The following DEPTOR variants were observed in gnomAD, a reference collection of about 807,000 sequenced individuals.
The protein encoded by DEPTOR is DEP domain-containing mTOR-interacting protein.
A neutral mutation model predicts 41.6 loss-of-function variants in DEPTOR; 41 were observed. That is an observed-to-expected ratio of 0.98 (90% CI 0.77 to 1.28). The LOEUF (loss-of-function observed/expected upper bound fraction) is 1.28, where lower values mean the gene tolerates loss of function less well. Among genes scored for constraint, DEPTOR ranks in the 50% most tolerant of loss-of-function variants. The pLI, the probability that DEPTOR is intolerant of heterozygous loss-of-function variation, is 0.00. For missense variants in DEPTOR, 514 were observed against 527.9 expected, an observed-to-expected ratio of 0.97 and a Z score of 0.26; for synonymous variants, 195 against 192.3, an observed-to-expected ratio of 1.01 and a Z score of -0.12.
intron 4 of DEPTOR, among the ~76,000 whole-genome samples, chr8:119,974,248 A>C (rs1828669560): frequency 6.7e-6 from 1 of 149,386 alleles, no homozygotes; most frequent in Non-Finnish European, 1.5e-5. Context: ...AAAAAAAAAA[A>C]AAAAAAAAAA....
chr8:119,924,359 C>T (rs1265638674), intron 1 of DEPTOR, among the ~76,000 whole-genome samples: 1 of 139,918 alleles, frequency 7.1e-6, no homozygotes. Context: ...TCCCCAACAG[C>T]CATTTCAACT....
At chr8:120,006,157 A>G (rs1812433842) in intron 6 of DEPTOR, among the ~76,000 whole-genome samples, 1 of 152,164 alleles carries the variant, frequency 6.6e-6, no homozygotes. Flanking sequence ...TCTCTAGCAT[A>G]TGTTGAGTAC....
At chr8:119,928,042 C>T (rs528684116) in intron 1 of DEPTOR, among the ~76,000 whole-genome samples, 1 of 152,254 alleles carries the variant, frequency 6.6e-6, no homozygotes, top group African/African-American at 2.4e-5. Flanking sequence ...TGTTTCAGTG[C>T]ATTTCTAGGG....
intron 4 of DEPTOR, among the ~76,000 whole-genome samples, chr8:119,996,058 A>G (rs1259433823): frequency 6.6e-6 from 1 of 152,262 alleles, no homozygotes; most frequent in Non-Finnish European, 1.5e-5. Context: ...AATGCAAGTG[A>G]TACATACAAT....
chr8:119,887,329 C>T (rs1164136221), intron 1 of DEPTOR, among the ~76,000 whole-genome samples: 1 of 129,084 alleles, frequency 7.7e-6, no homozygotes, highest in East Asian at 2.6e-4. Flanking sequence ...CATGCAACAC[C>T]ATAGGCTCTT....
chr8:119,876,153 C>T (rs924353488), intron 1 of DEPTOR, among the ~76,000 whole-genome samples: 6 of 152,304 alleles, frequency 3.9e-5, no homozygotes, highest in Non-Finnish European at 8.8e-5. Flanking sequence ...CTCTTCCTTG[C>T]AGTCCCCAGA....
intron 4 of DEPTOR, among the ~76,000 whole-genome samples, chr8:119,979,915 G>A (rs1309964495): frequency 6.6e-6 from 1 of 152,100 alleles, no homozygotes; most frequent in Non-Finnish European, 1.5e-5. Flanking sequence ...GAAATGGGAT[G>A]GGGGAGATAG....
intron 1 of DEPTOR, among the ~76,000 whole-genome samples, chr8:119,925,602 G>A (rs139596548): frequency 2.6e-5 from 4 of 152,110 alleles, no homozygotes; most frequent in African/African-American, 9.6e-5. Context: ...AACCATATCA[G>A]CCCCAGTGTC....
rs550561201 is a variant in DEPTOR at position 119,974,932 on chromosome 8, C to T, written c.604+9522C>T. 4.6e-5 allele frequency among the ~76,000 whole-genome samples: 7 copies of T among 151,996 alleles called. No individual in the cohort carries two copies. In the South Asian group the frequency reaches 1.2e-3, roughly 27 times the overall value. On this transcript the variant is annotated intron_variant, in intron 4 of 8. Coordinates refer to ENST00000286234, the MANE Select transcript of DEPTOR (RefSeq NM_022783.4). ...TTATGCAGACTTAGGTCAACACCTT[C>T]TTTATTTATTACGAGTCTCTAGTGA... is the stretch of plus-strand genomic sequence containing the variant.
intron 4 of DEPTOR, among the ~76,000 whole-genome samples, chr8:119,982,014 TAAAAAAAA>T (rs35334859): frequency 1.5e-5 from 1 of 65,688 alleles, no homozygotes; most frequent in Non-Finnish European, 2.6e-5. Flanking sequence ...ATTCCATCTC[TAAAAAAAA>T]AAAAAAAAAA....
At chr8:119,954,411 G>C (rs1227114386) in intron 3 of DEPTOR, among the ~76,000 whole-genome samples, 2 of 152,132 alleles carry the variant, frequency 1.3e-5, no homozygotes, top group Non-Finnish European at 2.9e-5. Context: ...CTCCCAAACT[G>C]CTGGGATTAA....
At chr8:119,999,705 T>C (rs1812319803) in intron 4 of DEPTOR, among the ~76,000 whole-genome samples, 2 of 152,242 alleles carry the variant, frequency 1.3e-5, no homozygotes, top group Admixed American at 1.3e-4. Flanking sequence ...TTTATTTATG[T>C]ATTAAACAGC....
rs1473114507 is a variant in DEPTOR, at chr8:119,951,064, CACACACAA to C, written c.426-14160_426-14153del. 2.2e-3 allele frequency among the ~76,000 whole-genome samples: 263 copies of C among 119,152 alleles called. 1 individual carries two copies. The highest frequency in any genetic ancestry group is 6.9e-3 in the African/African-American group (236 of 34,438). 78.2% of individuals were successfully genotyped at this position (119,152 alleles called of 152,430 possible). A position where few individuals can be genotyped will look rare whatever the true frequency, so the allele number is the denominator to read the frequency against. ...GGGGTTAGACACTATCTAATATACA[CACACACAA>C]ACACACACACACACACACACACATC... On this transcript the variant is annotated intron_variant, in intron 3 of 8. Coordinates refer to ENST00000286234, the MANE Select transcript of DEPTOR (RefSeq NM_022783.4).
chr8:119,928,204 T>C (rs1448097162), intron 1 of DEPTOR, among the ~76,000 whole-genome samples, 196 bp from the exon 2 acceptor site: 1 of 152,106 alleles, frequency 6.6e-6, no homozygotes, highest in East Asian at 1.9e-4. Flanking sequence ...TTTACCTCTG[T>C]CATCTAGATC....
rs185714194 is a variant in DEPTOR, at chr8:119,982,661, C to T, written c.604+17251C>T. ...AGAATCCCAGGCTGACACTGAGACT[C>T]CCCACAAAGGCGCTGTCCATCTCTC... is the stretch of plus-strand genomic sequence containing the variant. On this transcript the variant is annotated intron_variant, in intron 4 of 8. Coordinates refer to ENST00000286234, the MANE Select transcript of DEPTOR (RefSeq NM_022783.4). Among the ~76,000 whole-genome samples the T allele has an allele frequency of 7.6e-4, 115 of 152,300 alleles. 1 individual carries two copies. Among genetic ancestry groups the T allele is most frequent in the African/African-American group, 2.6e-3 (107 of 41,576 alleles).
intron 4 of DEPTOR, among the ~76,000 whole-genome samples, chr8:119,975,175 A>T (rs1828682620): frequency 6.6e-6 from 1 of 152,036 alleles, no homozygotes. Flanking sequence ...ACAAAAGGAC[A>T]TTTCCTTTAC....
chr8:119,923,893 C>CTTTTT (rs769960283), intron 1 of DEPTOR, among the ~76,000 whole-genome samples: 26,471 of 104,146 alleles, frequency 0.25, 2,668 homozygotes, highest in African/African-American at 0.32. Context: ...TTTTTTCTTT[C>CTTTTT]TTTTTTTTTT....
intron 3 of DEPTOR, 111 bp downstream of exon 3, chr8:119,930,049 A>G (rs1828021467): frequency 2.3e-6 from 3 of 1,315,136 alleles, no homozygotes; most frequent in African/African-American, 1.5e-5. Context: ...GGCTGGTTAC[A>G]TAACTGTTCT....
chr8:120,024,473 C>A (rs1812769957), intron 8 of DEPTOR, among the ~76,000 whole-genome samples: 1 of 152,004 alleles, frequency 6.6e-6, no homozygotes, highest in South Asian at 2.1e-4. Flanking sequence ...GAAATAGGGG[C>A]CTTACAGAGG....
Sources: allele counts gnomAD v4.1 joint callset (sites outside exome capture counted in the v4.1 genomes callset), GRCh38; gene constraint gnomAD v4.1.1; transcripts MANE v1.5; gene names NCBI Gene and HGNC (gene_info 2026-07-23, HGNC 2026-07-21).